Variants in ERC1 observed in about 807,000 individuals in gnomAD.
ERC1 encodes the protein ELKS/RAB6-interacting/CAST family member 1.
ERC1 carries 56 observed loss-of-function variants against 132.0 expected under a neutral mutation model. The observed-to-expected ratio is 0.42, with a 90% CI of 0.34 to 0.53. The LOEUF (loss-of-function observed/expected upper bound fraction) is 0.53, where lower values mean the gene tolerates loss of function less well. Among genes scored for constraint, ERC1 ranks in the 20% least tolerant of loss-of-function variants. The pLI is 0.03. For synonymous variants in ERC1, 478 were observed against 476.1 expected (o/e 1.00, Z -0.05); for missense variants, 1,202 against 1,349.9 (o/e 0.89, Z 1.72).
At chr12:1,174,193 C>T (rs1393720277) in intron 8 of ERC1, among the ~76,000 whole-genome samples, 5 of 152,210 alleles carry the variant, frequency 3.3e-5, no homozygotes, top group African/African-American at 7.2e-5. Context: ...CTGCGTGTTT[C>T]GGGTTTGTTC....
intron 16 of ERC1, among the ~76,000 whole-genome samples, chr12:1,405,293 GTT>G (rs59265030): frequency 0.2 from 29,637 of 146,636 alleles, 4,418 homozygotes; most frequent in African/African-American, 0.42. Context: ...TTATTAATCG[GTT>G]TTTTTTTTTT....
At chr12:1,368,358 A>G (rs748637709) in intron 15 of ERC1, among the ~76,000 whole-genome samples, 3 of 152,078 alleles carry the variant, frequency 2.0e-5, no homozygotes, top group Non-Finnish European at 4.4e-5. Flanking sequence ...TTTTTCTTCA[A>G]TGACTGTGTA....
At chr12:1,258,645 A>C (rs962830902) in intron 13 of ERC1, among the ~76,000 whole-genome samples, 1 of 152,226 alleles carries the variant, frequency 6.6e-6, no homozygotes, top group Non-Finnish European at 1.5e-5. Context: ...AGAGATTTTT[A>C]AATCTTCAGA....
intron 2 of ERC1, among the ~76,000 whole-genome samples, chr12:1,031,832 A>G (rs1357823677): frequency 6.6e-6 from 1 of 152,144 alleles, no homozygotes; most frequent in Non-Finnish European, 1.5e-5. Context: ...ATGGGGTCTA[A>G]AATTAAGGAC....
chr12:1,327,377 A>G (rs1483174496), intron 15 of ERC1, among the ~76,000 whole-genome samples: 1 of 152,214 alleles, frequency 6.6e-6, no homozygotes, highest in African/African-American at 2.4e-5. Context: ...AGTTACCTAC[A>G]GTAGGATTTA....
intron 12 of ERC1, among the ~76,000 whole-genome samples, chr12:1,225,957 C>T (rs1156319777): frequency 1.3e-5 from 2 of 151,566 alleles, no homozygotes. Flanking sequence ...CAGAATTTTT[C>T]TCCATTTGTT....
chr12:1,438,395 T>G (rs1416123860), intron 17 of ERC1, among the ~76,000 whole-genome samples: 3 of 152,240 alleles, frequency 2.0e-5, no homozygotes, highest in Non-Finnish European at 4.4e-5. Flanking sequence ...TTCTGGGATT[T>G]TCTTAATGTA....
chr12:1,475,546 G>A (rs2093953314), intron 18 of ERC1, among the ~76,000 whole-genome samples: 1 of 152,144 alleles, frequency 6.6e-6, no homozygotes, highest in South Asian at 2.1e-4. Flanking sequence ...AGAAAGATGT[G>A]TAGGAAGTAA....
intron 18 of ERC1, chr12:1,445,042 A>G: frequency 3.4e-6 from 1 of 298,106 alleles, no homozygotes; most frequent in Non-Finnish European, 6.2e-6. Context: ...TTAAAAATGT[A>G]TGTTTCTCAT....
intron 15 of ERC1, among the ~76,000 whole-genome samples, chr12:1,359,118 G>C (rs1837742164): frequency 6.6e-6 from 1 of 152,148 alleles, no homozygotes; most frequent in African/African-American, 2.4e-5. Flanking sequence ...TGACCAAGGT[G>C]GGGAAAGAAA....
chr12:1,052,952 A>G (rs1425590665), intron 2 of ERC1, among the ~76,000 whole-genome samples: 4 of 151,986 alleles, frequency 2.6e-5, no homozygotes, highest in African/African-American at 9.7e-5. Flanking sequence ...TCTGGGCAAC[A>G]AGAGTGAAAC....
chr12:1,392,630 A>C (rs2090069073), intron 16 of ERC1, among the ~76,000 whole-genome samples: 1 of 152,226 alleles, frequency 6.6e-6, no homozygotes, highest in Non-Finnish European at 1.5e-5. Flanking sequence ...ATTTCTTATC[A>C]GAATCAATCT....
intron 8 of ERC1, among the ~76,000 whole-genome samples, chr12:1,162,773 A>G (rs1474100986): frequency 6.6e-6 from 1 of 152,074 alleles, no homozygotes; most frequent in African/African-American, 2.4e-5. Context: ...TATTTTCTGA[A>G]TGTTATTATT....
At chr12:1,165,416 C>T (rs61914296) in intron 8 of ERC1, among the ~76,000 whole-genome samples, 30,440 of 151,946 alleles carry the variant, frequency 0.2, 3,619 homozygotes, top group Non-Finnish European at 0.27. Context: ...CGCCATTCTC[C>T]TGCCTCAGCC....
At chr12:1,065,700 G>A (rs957188721) in intron 2 of ERC1, among the ~76,000 whole-genome samples, 18 of 151,990 alleles carry the variant, frequency 1.2e-4, no homozygotes, top group African/African-American at 4.1e-4. Flanking sequence ...TGGCATCTGT[G>A]CATCTGGTGC....
At chr12:1,139,061 A>G (rs1566062476) in intron 7 of ERC1, among the ~76,000 whole-genome samples, 1 of 152,220 alleles carries the variant, frequency 6.6e-6, no homozygotes, top group Admixed American at 6.5e-5. Flanking sequence ...TTTAATGTAT[A>G]TACAGTAGTC....
At chr12:1,114,934 G>A (rs1311230174) in intron 6 of ERC1, among the ~76,000 whole-genome samples, 2 of 152,098 alleles carry the variant, frequency 1.3e-5, no homozygotes, top group Non-Finnish European at 2.9e-5. Context: ...TTCTTCATGG[G>A]AAATTGTTCT....
At chr12:1,411,030 T>C (rs1166305021) in intron 17 of ERC1, among the ~76,000 whole-genome samples, 1 of 152,148 alleles carries the variant, frequency 6.6e-6, no homozygotes, top group African/African-American at 2.4e-5. Flanking sequence ...CCTCAAACTA[T>C]CCCTAAAAAT....
intron 12 of ERC1, among the ~76,000 whole-genome samples, chr12:1,221,661 A>G (rs1195297703): frequency 6.6e-6 from 1 of 152,236 alleles, no homozygotes; most frequent in Non-Finnish European, 1.5e-5. Context: ...AAAGCATTTT[A>G]ATTAGATAAA....
Sources: allele counts gnomAD v4.1 joint callset (sites outside exome capture counted in the v4.1 genomes callset), GRCh38; gene constraint gnomAD v4.1.1; transcripts MANE v1.5; gene names NCBI Gene and HGNC (gene_info 2026-07-23, HGNC 2026-07-21).